Variants in LAMB2 observed in about 807,000 individuals in gnomAD.
The protein encoded by LAMB2 is laminin subunit beta-2.
LAMB2 carries 119 observed loss-of-function variants against 202.7 expected under a neutral mutation model. That is an observed-to-expected ratio of 0.59 (90% CI 0.51 to 0.68). The LOEUF (loss-of-function observed/expected upper bound fraction) is 0.68. Among genes scored for constraint, LAMB2 ranks in the 30% least tolerant of loss-of-function variants. LAMB2 has a pLI of 0.00. For synonymous variants in LAMB2, 818 were observed against 902.2 expected, an observed-to-expected ratio of 0.91 and a Z score of 1.67; for missense variants, 2,124 against 2,410.6, an observed-to-expected ratio of 0.88 and a Z score of 2.49.
rs1369044369 is a variant in LAMB2, at chr3:49,124,921, C to A, written c.2889G>T (p.Leu963=). Residue 963 remains leucine (L), a synonymous_variant, in exon 21 of 32, where the codon CTG becomes CTT. Transcript: ENST00000305544. The part of the protein sequence containing the change: ...VCHCRAGYTG[L]RCEACAPGHF... ...GCCCAGGGGCACAAGCTTCACATCG[C>A]AGCCCTGCCCACGGTTAAGAGGAAG... 13 of 1,613,940 alleles carry A rather than the reference C, an allele frequency of 8.1e-6. No individual in the cohort carries two copies. The highest frequency in any genetic ancestry group is 1.1e-5 in the Non-Finnish European group (13 of 1,180,048).
Position 49,130,701 on chromosome 3 carries a change from G to T in LAMB2, c.1036+39C>A, listed in dbSNP as rs767276088. On this transcript the variant is annotated intron_variant, in intron 8 of 31. Coordinates refer to ENST00000305544, the MANE Select transcript of LAMB2 (RefSeq NM_002292.4). This position sits in a 1 kb window ranked among gnomAD's most constrained non-coding sequence, Gnocchi z 5.0. ...GTTCTACCCAGGGCACAGCCAGGCT[G>T]CAGAGTGCTGGAGCTATGGAGGCCA... 4 of 1,612,092 alleles carry T rather than the reference G, an allele frequency of 2.5e-6. No individual in the cohort carries two copies. The South Asian group carries it at 3.3e-5, about 13-fold the overall frequency.
At chr3:49,122,401 T>C in intron 27 of LAMB2, 31 bp from the exon 28 acceptor site, 1 of 1,596,364 alleles carries the variant, frequency 6.3e-7, no homozygotes, top group Non-Finnish European at 8.6e-7. Flanking sequence ...CTTAAGAACA[T>C]AGATTCTCCA....
In LAMB2 at chr3:49,129,260, C is replaced by A; in HGVS notation, c.1583G>T (p.Gly528Val). The change falls in exon 12 of 32, where the codon GGT becomes GTT. Residue 528 changes from glycine to valine, a missense_variant. Physicochemically the swap from Gly to Val is moderately radical, Grantham distance 109. Around this residue, in one of 3 missense-constraint regions of LAMB2, gnomAD observed 1,702 missense variants for 1,896.3 expected, o/e 0.90. Coordinates refer to ENST00000305544, the MANE Select transcript of LAMB2 (RefSeq NM_002292.4). This position sits in a 1 kb window ranked among gnomAD's most constrained non-coding sequence, Gnocchi z 6.1. ...GCRPCDCDVG[G>V]ALDPQCDEGT... ...CAACACTTACTGGGGATCCAAAGCACCACCCACGTCGCAGTCACAGGGGCG... is the reference window on the plus strand; with the variant it reads ...CAACACTTACTGGGGATCCAAAGCAACACCCACGTCGCAGTCACAGGGGCG... 6.2e-7 allele frequency: 1 copy of A among 1,614,014 alleles called. No homozygotes were observed. Among genetic ancestry groups the A allele is most frequent in the Non-Finnish European group, 8.5e-7 (1 of 1,179,952 alleles).
In LAMB2 at chr3:49,128,582, G is replaced by A. The variant is rs1439529413; in HGVS notation, c.1894C>T (p.Pro632Ser). ...DLLLRLEPQV[P>S]EQWAELELIV... ...AGTTCCAACTCTGCCCATTGCTCAG[G>A]GACCTGGGAAAACGGGATGATGGAG... The change falls in exon 15 of 32, where the codon CCT (proline) becomes TCT (serine). Residue 632 changes from proline (P) to serine (S), a missense_variant. Transcript: ENST00000305544. 2.5e-6 allele frequency: 4 copies of A among 1,614,110 alleles called. No homozygotes were observed. The highest frequency in any genetic ancestry group is 2.7e-5 in the African/African-American group (2 of 74,942).
chr3:49,125,876 G>A lies in LAMB2; in HGVS notation c.2359C>T (p.Pro787Ser), dbSNP rs1242045589. The A allele has an allele frequency of 6.2e-7, 1 of 1,614,176 alleles. No homozygotes were observed. Residue 787 changes from proline to serine, a missense_variant, in exon 18 of 32, where the codon CCT becomes TCT. Transcript: ENST00000305544. ...CACTCAGAACTCAGTGAACCTTGAG[G>A]GTTGCACTGACATGCTGTGGGGAGG... is the stretch of plus-strand genomic sequence containing the variant. ...YNGALPCQCNPQGSLSSECNP... is the reference protein window; with the variant it reads ...YNGALPCQCNSQGSLSSECNP...
Position 49,123,915 on chromosome 3 carries a change from A to C in LAMB2, c.3610T>G (p.Leu1204Val). 6.2e-7 allele frequency: 1 copy of C among 1,613,344 alleles called. No homozygotes were observed. The highest frequency in any genetic ancestry group is 1.3e-5 in the African/African-American group (1 of 75,056). Residue 1204 changes from leucine (L) to valine (V), a missense_variant, in exon 24 of 32, where the codon TTG becomes GTG. Coordinates refer to ENST00000305544, the MANE Select transcript of LAMB2 (RefSeq NM_002292.4). ...FGDWDRVVQD[L>V]AARTQRLEQR... ...TCTAGGCGCTGTGTACGGGCTGCCA[A>C]GTCCTGCACCACTCGGTCCCAATCC... is the stretch of plus-strand genomic sequence containing the variant.
At chr3:49,126,596 C>A in intron 15 of LAMB2, 99 bp from the exon 16 acceptor site, 2 of 1,515,288 alleles carry the variant, frequency 1.3e-6, no homozygotes, top group Non-Finnish European at 1.8e-6. Context: ...GGCCATTGGC[C>A]AAAGCAGAGA....
rs771940894 is a variant in LAMB2, at chr3:49,126,349, AGAG to A, written c.2151+13_2151+15del. 5.0e-6 allele frequency: 8 copies of A among 1,614,044 alleles called. No individual in the cohort carries two copies. In the Admixed American group the frequency reaches 8.3e-5, roughly 17 times the overall value. ...CCTGCCATCTTGGTTGGTGTGGGCA[AGAG>A]GAGATTATTCACCGAGTCAATGAGC... On this transcript the variant is annotated intron_variant, in intron 16 of 31. Coordinates refer to ENST00000305544, the MANE Select transcript of LAMB2 (RefSeq NM_002292.4).
Position 49,122,082 on chromosome 3 carries a change from GCTC to G in LAMB2, c.4782_4784del (p.Arg1594del), listed in dbSNP as rs1299413522. 3 of 1,613,262 alleles carry G rather than the reference GCTC, an allele frequency of 1.9e-6. No homozygotes were observed. The Admixed American group carries it at 5.0e-5, about 27-fold the overall frequency. ...CCTTCTGTTTCTCATCCTCAGCCCA[GCTC>G]CTGGGGAGAAGGGGGAATCAGAACC... On this transcript the variant is annotated inframe_deletion and splice_region_variant, in exon 29 of 32. Coordinates refer to ENST00000305544, the MANE Select transcript of LAMB2 (RefSeq NM_002292.4).
In LAMB2 at chr3:49,121,442, G is replaced by A. The variant is rs2045234356; in HGVS notation, c.5251C>T (p.Arg1751Trp). 6.2e-7 allele frequency: 1 copy of A among 1,613,902 alleles called. No homozygotes were observed. The highest frequency in any genetic ancestry group is 1.3e-5 in the African/African-American group (1 of 74,924). Residue 1751 changes from arginine to tryptophan, a missense_variant, in exon 31 of 32, where the codon CGG (arginine) becomes TGG (tryptophan). Arg to Trp is a moderately radical substitution (Grantham distance 101). This residue lies in a region of LAMB2 where 1,702 missense variants were observed against 1,896.3 expected (regional missense o/e 0.90). Coordinates refer to ENST00000305544, the MANE Select transcript of LAMB2 (RefSeq NM_002292.4). ...GTGCCCCATTTCTTACCCTGTAGCC[G>A]CTGCAGCTTGTCCTGAGCGGCTTGC... Reference protein sequence around the residue: ...LLQAAQDKLQRLQELEGTYEE... With the variant: ...LLQAAQDKLQWLQELEGTYEE...
chr3:49,123,209 G>A lies in LAMB2; in HGVS notation c.4147C>T (p.His1383Tyr). The A allele has an allele frequency of 6.2e-7, 1 of 1,613,960 alleles. No homozygotes were observed. Among genetic ancestry groups the A allele is most frequent in the South Asian group, 1.1e-5 (1 of 91,090 alleles). ...DAQKEDFNSK[H>Y]MANQRALGKL... ...CCAAGTGCCCGCTGGTTGGCCATGTGTTTGCTGTTGAAGTCCTCCTTCTGA... is the reference window on the plus strand; with the variant it reads ...CCAAGTGCCCGCTGGTTGGCCATGTATTTGCTGTTGAAGTCCTCCTTCTGA... The change falls in exon 26 of 32, where the codon CAC becomes TAC. Residue 1383 changes from histidine to tyrosine, a missense_variant. Transcript: ENST00000305544.
chr3:49,131,189 G>A lies in LAMB2; in HGVS notation c.713-37C>T, dbSNP rs754940186. On this transcript the variant is annotated intron_variant, in intron 6 of 31. Coordinates refer to ENST00000305544, the MANE Select transcript of LAMB2 (RefSeq NM_002292.4). This position sits in a 1 kb window ranked among gnomAD's most constrained non-coding sequence, Gnocchi z 5.0. ...GAAGGGGGGCCAACTGACCAGGCAG[G>A]CCCTTGCTGCCCCATGTCCACCCAG... 20 of 1,594,638 alleles carry A rather than the reference G, an allele frequency of 1.3e-5. No individual in the cohort carries two copies. The Admixed American group carries it at 3.3e-4, about 27-fold the overall frequency.
In LAMB2 at chr3:49,123,256, C is replaced by G. The variant is rs753524295; in HGVS notation, c.4100G>C (p.Arg1367Pro). 48 of 1,613,956 alleles carry G rather than the reference C, an allele frequency of 3.0e-5. No individual in the cohort carries two copies. The highest frequency in any genetic ancestry group is 3.9e-5 in the Non-Finnish European group (46 of 1,180,054). ...PVSNSASARH[R>P]TEALMDAQKE... ...CTGAGCATCCATCAGTGCCTCTGTC[C>G]GATGCCGAGCACTTGCCGAGTTGCT... is the stretch of plus-strand genomic sequence containing the variant. The change falls in exon 26 of 32, where the codon CGG (arginine) becomes CCG (proline). Residue 1367 changes from arginine to proline, a missense_variant. Arg to Pro is a moderately radical substitution (Grantham distance 103). Transcript: ENST00000305544.
At position 49,121,707 on chromosome 3, in the gene LAMB2, C is replaced by G. The variant is rs1254759329; in HGVS notation, c.5077G>C (p.Gly1693Arg). Residue 1693 changes from glycine (G) to arginine (R), a missense_variant, in exon 30 of 32, where the codon GGT (glycine) becomes CGT (arginine). By Grantham distance (125) the Gly-to-Arg change is moderately radical. Coordinates refer to ENST00000305544, the MANE Select transcript of LAMB2 (RefSeq NM_002292.4). ...TAEETAGSAQ[G>R]RAQEAEQLLR... ...ACCTGCTCAGCCTCCTGGGCACGAC[C>G]CTGGGCACTGCCTGCCGTTTCTTCT... The G allele has an allele frequency of 1.2e-6, 2 of 1,613,934 alleles. No individual in the cohort carries two copies. Among genetic ancestry groups the G allele is most frequent in the African/African-American group, 2.7e-5 (2 of 74,932 alleles).
At chr3:49,124,649 G>C in intron 21 of LAMB2, 37 bp from the exon 22 acceptor site, 1 of 1,613,774 alleles carries the variant, frequency 6.2e-7, no homozygotes, top group African/African-American at 1.3e-5. Context: ...GTCAAGAGGA[G>C]GCCAAGAAGC....
chr3:49,129,776 G>A lies in LAMB2; in HGVS notation c.1406-60C>T. 1 of 1,609,330 alleles carries A rather than the reference G, an allele frequency of 6.2e-7. No individual in the cohort carries two copies. The highest frequency in any genetic ancestry group is 1.1e-5 in the South Asian group (1 of 90,960). On this transcript the variant is annotated intron_variant, in intron 10 of 31. Transcript: ENST00000305544. The surrounding 1 kb of genome is among the most constrained non-coding windows in gnomAD (Gnocchi z 6.1). Reference sequence around the variant, plus strand: ...ACTGTGGCAGTGCTCATGTTCAGCTGAGTCAGGAGTAAGAGGACAGGGGTT... The same window carrying A: ...ACTGTGGCAGTGCTCATGTTCAGCTAAGTCAGGAGTAAGAGGACAGGGGTT...
At position 49,130,791 on chromosome 3, in the gene LAMB2, G is replaced by T. The variant is rs1348359514; in HGVS notation, c.985C>A (p.Arg329Ser). 9 of 1,614,158 alleles carry T rather than the reference G, an allele frequency of 5.6e-6. No homozygotes were observed. The highest frequency in any genetic ancestry group is 7.6e-6 in the Non-Finnish European group (9 of 1,180,018). The change falls in exon 8 of 32, where the codon CGT becomes AGT. Residue 329 changes from arginine (R) to serine (S), a missense_variant. Arg to Ser is a moderately radical substitution (Grantham distance 110). This residue lies in a region of LAMB2 where 256 missense variants were observed against 356.1 expected (regional missense o/e 0.72). Transcript: ENST00000305544. This position sits in a 1 kb window ranked among gnomAD's most constrained non-coding sequence, Gnocchi z 5.0. ...LNCEQCQDFY[R>S]DLPWRPAEDG... ...TCAGCCGGACGCCAGGGCAGGTCAC[G>T]ATAGAAATCCTGACACTGCTCGCAG...
At position 49,123,061 on chromosome 3, in the gene LAMB2, C is replaced by A. The variant is rs2045366854; in HGVS notation, c.4225-9G>T. 1 of 1,606,682 alleles carries A rather than the reference C, an allele frequency of 6.2e-7. No individual in the cohort carries two copies. Among genetic ancestry groups the A allele is most frequent in the Non-Finnish European group, 8.5e-7 (1 of 1,180,000 alleles). ...CCTGGTGCCCCACACACCTGCCAGGCACAGAACAAGTCAGGGCCCTGTGAG... is the reference window on the plus strand; with the variant it reads ...CCTGGTGCCCCACACACCTGCCAGGAACAGAACAAGTCAGGGCCCTGTGAG... On this transcript the variant is annotated splice_polypyrimidine_tract_variant and intron_variant, in intron 26 of 31. Transcript: ENST00000305544.
At chr3:49,127,593 G>A (rs990586554) in intron 15 of LAMB2, among the ~76,000 whole-genome samples, 1 of 151,840 alleles carries the variant, frequency 6.6e-6, no homozygotes, top group Non-Finnish European at 1.5e-5. Context: ...TACTTGGGAG[G>A]CTGAGGCAGG....
Sources: allele counts gnomAD v4.1 joint callset (sites outside exome capture counted in the v4.1 genomes callset), GRCh38; gene constraint gnomAD v4.1.1; regional missense constraint gnomAD v4.1.1; non-coding constraint Gnocchi (gnomAD v3.1); transcripts MANE v1.5; gene names NCBI Gene and HGNC (gene_info 2026-07-23, HGNC 2026-07-21).